Variants in HHIPL1 observed in about 807,000 individuals in gnomAD.
HHIPL1 encodes the protein HHIP like 1.
HHIPL1 carries 43 observed loss-of-function variants against 61.8 expected under a neutral mutation model. That is an observed-to-expected ratio of 0.70 (90% confidence interval 0.55 to 0.90). The LOEUF (loss-of-function observed/expected upper bound fraction) is 0.90, where lower values mean the gene tolerates loss of function less well. Ranked by LOEUF, HHIPL1 falls within the 40% of genes least tolerant of loss-of-function variation. The probability of loss-of-function intolerance (pLI) is 0.00; values close to 1 mark genes in which losing one functional copy is unlikely to be tolerated. For missense variants in HHIPL1, 1,056 were observed against 1,157.7 expected, an observed-to-expected ratio of 0.91 and a Z score of 1.28; for synonymous variants, 482 against 515.8, an observed-to-expected ratio of 0.93 and a Z score of 0.89.
the HHIPL1 span, among the ~76,000 whole-genome samples, chr14:99,619,461 CAAAAA>C: frequency 1.2e-4 from 13 of 106,788 alleles, no homozygotes; most frequent in African/African-American, 4.2e-4. Flanking sequence ...GACTCCATCT[CAAAAA>C]AAAAAAAAAA....
At chr14:99,657,922 CACAT>C (rs1228748977) in intron 3 of HHIPL1, among the ~76,000 whole-genome samples, 14 of 146,632 alleles carry the variant, frequency 9.5e-5, no homozygotes, top group Non-Finnish European at 1.6e-4. Flanking sequence ...CACACATACA[CACAT>C]ACATACACAT....
the HHIPL1 span, chr14:99,625,183 C>T: frequency 3.9e-5 from 6 of 152,180 alleles, no homozygotes; most frequent in South Asian, 8.3e-4. Flanking sequence ...CATCCCAAGC[C>T]GGGTTGGCCA....
intron 7 of HHIPL1, among the ~76,000 whole-genome samples, chr14:99,669,724 A>C (rs1566817036): frequency 1.3e-5 from 2 of 152,214 alleles, no homozygotes; most frequent in Admixed American, 6.5e-5. Context: ...CAGAAATTCA[A>C]GACCAGCTTG....
chr14:99,669,398 ACT>A, intron 7 of HHIPL1: 1 of 930,398 alleles, frequency 1.1e-6, no homozygotes, highest in South Asian at 4.9e-5. Flanking sequence ...CTGAGGTTGC[ACT>A]CCGAGAATCC....
chr14:99,648,580 C>T (rs1055431812), intron 1 of HHIPL1, among the ~76,000 whole-genome samples: 7 of 152,176 alleles, frequency 4.6e-5, no homozygotes, highest in African/African-American at 9.7e-5. Flanking sequence ...GCGCCCCTGG[C>T]GACGGAGCAG....
At chr14:99,674,975 G>T (rs954803571) in intron 8 of HHIPL1, 116 bp from the exon 9 acceptor site, 60 of 452,756 alleles carry the variant, frequency 1.3e-4, no homozygotes, top group Non-Finnish European at 1.8e-4. Context: ...ACAGACCCAG[G>T]ACATCCTTCC....
the HHIPL1 span, among the ~76,000 whole-genome samples, chr14:99,606,953 G>A: frequency 6.6e-6 from 1 of 151,468 alleles, no homozygotes; most frequent in South Asian, 2.1e-4. Flanking sequence ...CCAGCAGTAG[G>A]TGCCATGCCC....
rs1395090552 is a variant in HHIPL1, at chr14:99,678,539, A to G, written c.*2913A>G. 1 of 152,256 alleles carries G rather than the reference A, an allele frequency of 6.6e-6. No individual in the cohort carries two copies. The highest frequency in any genetic ancestry group is 1.5e-5 in the Non-Finnish European group (1 of 68,046). 9.4% of individuals were successfully genotyped at this position (152,256 alleles called of 1,614,324 possible). ...ACTGTGTCCTATGTCCATTGGCAGA[A>G]GCCAGACCGCACAATCTAAACTAAA... On this transcript the variant is annotated 3_prime_UTR_variant, in exon 9 of 9. Transcript: ENST00000330710.
At chr14:99,644,901 T>C (rs954357213), upstream of HHIPL1, among the ~76,000 whole-genome samples, 15 of 152,080 alleles carry the variant, frequency 9.9e-5, no homozygotes, top group Non-Finnish European at 1.8e-4. Flanking sequence ...AAGAGCGCCC[T>C]GTGGGGAGGA....
intron 3 of HHIPL1, among the ~76,000 whole-genome samples, chr14:99,659,090 T>A (rs1238537336): frequency 2.0e-5 from 3 of 152,172 alleles, no homozygotes; most frequent in Admixed American, 6.5e-5. Context: ...TTGAGCTTTC[T>A]GAGCTCCGCT....
intron 5 of HHIPL1, among the ~76,000 whole-genome samples, chr14:99,661,090 C>T (rs937159337): frequency 6.6e-6 from 1 of 152,006 alleles, no homozygotes; most frequent in Non-Finnish European, 1.5e-5. Context: ...CATCACAACC[C>T]TCCTTCGAGT....
chr14:99,672,962 C>T (rs568754425), intron 8 of HHIPL1, among the ~76,000 whole-genome samples: 45 of 152,364 alleles, frequency 3.0e-4, no homozygotes, highest in African/African-American at 1.0e-3. Flanking sequence ...TCATTCACCA[C>T]GGACACGTGC....
At chr14:99,662,669 G>C (rs928921346) in intron 5 of HHIPL1, among the ~76,000 whole-genome samples, 4 of 152,218 alleles carry the variant, frequency 2.6e-5, no homozygotes, top group African/African-American at 9.6e-5. Context: ...GACCCTGCAT[G>C]CTCATTCTGC....
the HHIPL1 span, among the ~76,000 whole-genome samples, chr14:99,621,678 C>T: frequency 6.6e-6 from 1 of 151,348 alleles, no homozygotes; most frequent in Admixed American, 6.6e-5. Flanking sequence ...CCATCTCAAC[C>T]TCAGAGGATT....
chr14:99,660,238 C>G lies in HHIPL1; in HGVS notation c.1376-42C>G, dbSNP rs112835805. On this transcript the variant is annotated intron_variant, in intron 4 of 8. Coordinates refer to ENST00000330710, the MANE Select transcript of HHIPL1 (RefSeq NM_001127258.3). The surrounding 1 kb of genome is among the most constrained non-coding windows in gnomAD (Gnocchi z 4.9). The stretch of plus-strand genomic sequence containing the variant: ...AATTCTCCTGGCTGATGAACCTTCC[C>G]GCCGCTGGCTCACCGAAGCTTCTCT... 6.7e-3 allele frequency: 10,729 copies of G among 1,612,430 alleles called. 569 individuals are homozygous for G. In the African/African-American group the frequency reaches 0.12, roughly 18 times the overall value.
In HHIPL1 at chr14:99,659,766, C is replaced by T. The variant is rs1339543817; in HGVS notation, c.1375+10C>T. 18 of 1,403,140 alleles carry T rather than the reference C, an allele frequency of 1.3e-5. No homozygotes were observed. Among genetic ancestry groups the T allele is most frequent in the Non-Finnish European group, 5.5e-6 (6 of 1,083,210 alleles). 86.9% of individuals were successfully genotyped at this position (1,403,140 alleles called of 1,614,324 possible). A position where few individuals can be genotyped will look rare whatever the true frequency, so the allele number is the denominator to read the frequency against. ...GCCAACACCTCTCTCAGTGAGTGCC[C>T]GCGCCCCGGGGACCCCGGCCCCGAA... On this transcript the variant is annotated intron_variant, in intron 4 of 8. Coordinates refer to ENST00000330710, the MANE Select transcript of HHIPL1 (RefSeq NM_001127258.3).
the HHIPL1 span, among the ~76,000 whole-genome samples, chr14:99,610,474 T>A: frequency 1.3e-5 from 2 of 152,266 alleles, no homozygotes; most frequent in African/African-American, 2.4e-5. Context: ...TAAGATAGTG[T>A]TTAGACCAGG....
In HHIPL1 at chr14:99,672,457, G is replaced by A. The variant is rs1394588799; in HGVS notation, c.1813+58G>A. 14 of 1,435,194 alleles carry A rather than the reference G, an allele frequency of 9.8e-6. No homozygotes were observed. In the African/African-American group the frequency reaches 1.1e-4, roughly 12 times the overall value. The allele number at this position is 1,435,194 out of a possible 1,614,324, so 88.9% of individuals were successfully genotyped here. On this transcript the variant is annotated intron_variant, in intron 8 of 8. Coordinates refer to ENST00000330710, the MANE Select transcript of HHIPL1 (RefSeq NM_001127258.3). Reference sequence around the variant, plus strand: ...GGGGAGAGATCCCGCAGCCCACAACGGCTGCCTTTCCAGCCAGACTCGGGT... The same window carrying A: ...GGGGAGAGATCCCGCAGCCCACAACAGCTGCCTTTCCAGCCAGACTCGGGT...
chr14:99,664,109 CTG>C (rs2056200902), intron 6 of HHIPL1, among the ~76,000 whole-genome samples: 1 of 152,188 alleles, frequency 6.6e-6, no homozygotes, highest in African/African-American at 2.4e-5. Flanking sequence ...CTCCAGCCTC[CTG>C]CTTTTGTCCT....
Sources: allele counts gnomAD v4.1 joint callset (sites outside exome capture counted in the v4.1 genomes callset), GRCh38; gene constraint gnomAD v4.1.1; non-coding constraint Gnocchi (gnomAD v3.1); transcripts MANE v1.5; gene names NCBI Gene and HGNC (gene_info 2026-07-23, HGNC 2026-07-21).